Variants in ATP8B1 observed in about 807,000 individuals in gnomAD.
ATP8B1 encodes ATPase phospholipid transporting 8B1.
In ATP8B1, 80 loss-of-function variants were observed where a neutral mutation model predicts 149.9. The ratio of observed to expected loss-of-function variants is 0.53; its 90% CI spans 0.45 to 0.64. The LOEUF (loss-of-function observed/expected upper bound fraction) is 0.64. ATP8B1 is among the 30% of genes least tolerant of loss of function. The pLI is 0.00. For missense variants in ATP8B1, 1,247 were observed against 1,552.6 expected (o/e 0.80, Z 3.31); for synonymous variants, 536 against 562.8 (o/e 0.95, Z 0.67).
intron 13 of ATP8B1, among the ~76,000 whole-genome samples, chr18:57,686,761 C>T (rs113954675): frequency 6.6e-6 from 1 of 152,250 alleles, no homozygotes; most frequent in African/African-American, 2.4e-5. Context: ...GTCTCAAAGT[C>T]CTGGGCTCAA....
chr18:57,759,734 G>T (rs919945716), intron 1 of ATP8B1, among the ~76,000 whole-genome samples: 1 of 151,888 alleles, frequency 6.6e-6, no homozygotes, highest in East Asian at 1.9e-4. Flanking sequence ...CAGGAGAACG[G>T]CATGAACCCG....
chr18:57,732,486 T>C (rs1383033806), intron 1 of ATP8B1, among the ~76,000 whole-genome samples: 2 of 151,750 alleles, frequency 1.3e-5, no homozygotes, highest in Admixed American at 1.3e-4. Flanking sequence ...ACAGCACATA[T>C]AATAAGTACT....
chr18:57,669,550 T>C lies in ATP8B1; in HGVS notation c.1933-68A>G, dbSNP rs574830327. ...TTAATTTATGTAATTCAGGATCAAG[T>C]CTGAAATTTTACTTTGAAGTAATAT... On this transcript the variant is annotated intron_variant, in intron 17 of 27. Transcript: ENST00000648908. 2.5e-5 allele frequency: 37 copies of C among 1,454,620 alleles called. No individual in the cohort carries two copies. The East Asian group carries it at 5.4e-4, about 21-fold the overall frequency. 90.1% of individuals were successfully genotyped at this position (1,454,620 alleles called of 1,614,324 possible).
chr18:57,727,812 C>T (rs1043906676), intron 2 of ATP8B1, among the ~76,000 whole-genome samples: 1 of 151,866 alleles, frequency 6.6e-6, no homozygotes. Context: ...AAACAAACAA[C>T]AAGAAAACTC....
At chr18:57,696,998 C>T (rs1490193065) in intron 8 of ATP8B1, among the ~76,000 whole-genome samples, 3 of 152,122 alleles carry the variant, frequency 2.0e-5, no homozygotes, top group African/African-American at 7.2e-5. Flanking sequence ...CTGTGGCTCA[C>T]CCCTGTAATC....
At chr18:57,791,130 A>C (rs1248912852) in intron 1 of ATP8B1, among the ~76,000 whole-genome samples, 1 of 152,158 alleles carries the variant, frequency 6.6e-6, no homozygotes, top group African/African-American at 2.4e-5. Context: ...AGGGTCCATT[A>C]AAAACTAACT....
chr18:57,672,293 A>G (rs1911254446), intron 16 of ATP8B1, among the ~76,000 whole-genome samples: 2 of 152,140 alleles, frequency 1.3e-5, no homozygotes, highest in Non-Finnish European at 2.9e-5. Context: ...ACCACTCCTA[A>G]TGACCATTTT....
At chr18:57,739,658 T>C (rs556887477) in intron 1 of ATP8B1, among the ~76,000 whole-genome samples, 49 of 152,232 alleles carry the variant, frequency 3.2e-4, no homozygotes, top group African/African-American at 1.1e-3. Context: ...TACCACATGG[T>C]AACAGATTCA....
intron 1 of ATP8B1, among the ~76,000 whole-genome samples, chr18:57,777,420 G>C (rs773631869): frequency 1.3e-5 from 2 of 151,926 alleles, no homozygotes; most frequent in Admixed American, 6.6e-5. Context: ...TTTGTTCCAG[G>C]GGAAAAAAGA....
At position 57,674,819 on chromosome 18, in the gene ATP8B1, C is replaced by T; in HGVS notation, c.1819+15G>A. ...TAAATGAGCGATTCATAGACAGACT[C>T]TGAGGGGGACTTACCAATGATAGAC... On this transcript the variant is annotated intron_variant, in intron 16 of 27. Transcript: ENST00000648908. 6.2e-7 allele frequency: 1 copy of T among 1,613,478 alleles called. No homozygotes were observed. Among genetic ancestry groups the T allele is most frequent in the Non-Finnish European group, 8.5e-7 (1 of 1,179,598 alleles).
intron 8 of ATP8B1, among the ~76,000 whole-genome samples, chr18:57,696,472 GTGGTTAAT>G (rs1396921231): frequency 6.6e-6 from 1 of 151,542 alleles, no homozygotes; most frequent in Non-Finnish European, 1.5e-5. Flanking sequence ...CAATTAAGAA[GTGGTTAAT>G]TGGTTTTTAA....
At position 57,731,620 on chromosome 18, in the gene ATP8B1, T is replaced by C; in HGVS notation, c.181+7A>G. 1 of 1,613,908 alleles carries C rather than the reference T, an allele frequency of 6.2e-7. No individual in the cohort carries two copies. The highest frequency in any genetic ancestry group is 1.1e-5 in the South Asian group (1 of 91,062). ...GCGACCTAGTCACCGGGACTTCATG[T>C]GGTTACCTTTTCTGAATGGCTCCCG... On this transcript the variant is annotated splice_region_variant and intron_variant, in intron 2 of 27. Transcript: ENST00000648908.
intron 1 of ATP8B1, among the ~76,000 whole-genome samples, chr18:57,743,342 C>T (rs1383249550): frequency 1.3e-5 from 2 of 152,142 alleles, no homozygotes; most frequent in Admixed American, 1.3e-4. Flanking sequence ...ACCTACTTCC[C>T]TCCCTTCCCC....
At chr18:57,727,115 A>G (rs1410300025) in intron 2 of ATP8B1, among the ~76,000 whole-genome samples, 1 of 152,186 alleles carries the variant, frequency 6.6e-6, no homozygotes, top group Non-Finnish European at 1.5e-5. Context: ...AAAGAATAAA[A>G]TAAAATGAGA....
At chr18:57,789,396 A>C (rs1245816714) in intron 1 of ATP8B1, among the ~76,000 whole-genome samples, 1 of 152,216 alleles carries the variant, frequency 6.6e-6, no homozygotes, top group Non-Finnish European at 1.5e-5. Context: ...CAGGCAAGTT[A>C]TAATTCCTTT....
chr18:57,694,772 G>A, intron 10 of ATP8B1, 102 bp from the exon 11 acceptor site: 1 of 862,192 alleles, frequency 1.2e-6, no homozygotes, highest in Non-Finnish European at 1.9e-6. Flanking sequence ...GCTTACGCCT[G>A]TAATCCCAGC....
intron 6 of ATP8B1, among the ~76,000 whole-genome samples, chr18:57,698,634 C>T (rs1172373358): frequency 5.3e-5 from 8 of 152,206 alleles, no homozygotes; most frequent in Non-Finnish European, 7.3e-5. Context: ...CTCACCTGGC[C>T]GGTTAACTTC....
At chr18:57,686,332 C>T (rs1333005817) in intron 13 of ATP8B1, among the ~76,000 whole-genome samples, 8 of 151,904 alleles carry the variant, frequency 5.3e-5, no homozygotes, top group Non-Finnish European at 8.8e-5. Flanking sequence ...CCATATTAAC[C>T]GATTTTTTGT....
Position 57,647,290 on chromosome 18 carries a change from T to C in ATP8B1, c.*1198A>G, listed in dbSNP as rs190183553. 7.6e-4 allele frequency: 116 copies of C among 152,346 alleles called. No homozygotes were observed. The highest frequency in any genetic ancestry group is 2.7e-3 in the African/African-American group (111 of 41,574). 9.4% of individuals were successfully genotyped at this position (152,346 alleles called of 1,614,324 possible). On this transcript the variant is annotated 3_prime_UTR_variant, in exon 28 of 28. Coordinates refer to ENST00000648908, the MANE Select transcript of ATP8B1 (RefSeq NM_001374385.1). ...ACTATGGGAAGCTGCTAAAATAATA[T>C]TTGATAGTAAAAGTATGTAATGTGC...
Sources: gnomAD v4.1 joint callset for allele counts (sites outside exome capture counted in the v4.1 genomes callset) on GRCh38, gnomAD v4.1.1 for gene constraint, MANE v1.5 for transcripts, NCBI Gene and HGNC (gene_info 2026-07-23, HGNC 2026-07-21) for gene names.